The following CELF2 variants were observed in gnomAD, a reference collection of about 807,000 sequenced individuals.
CELF2 encodes CUG triplet repeat RNA-binding protein 2.
A neutral mutation model predicts 62.6 loss-of-function variants in CELF2; 8 were observed. That is an observed-to-expected ratio of 0.13 (90% CI 0.07 to 0.23). The LOEUF (loss-of-function observed/expected upper bound fraction) is 0.23, where lower values mean the gene tolerates loss of function less well. Ranked by LOEUF, CELF2 falls within the 10% of genes least tolerant of loss-of-function variation. The pLI, the probability that CELF2 is intolerant of heterozygous loss-of-function variation, is 1.00. For missense variants in CELF2, 333 were observed against 671.0 expected (o/e 0.50, Z 5.56); for synonymous variants, 258 against 250.0 (o/e 1.03, Z -0.30).
intron 1 of CELF2, among the ~76,000 whole-genome samples, chr10:11,057,170 A>T (rs1340683832): frequency 6.6e-6 from 1 of 152,150 alleles, no homozygotes; most frequent in Non-Finnish European, 1.5e-5. Context: ...CCCTGAAAGA[A>T]CAAAAAGTCC....
rs150054618 is a variant in CELF2 at position 10,990,968 on chromosome 10, C to CGTGTGTGTGT, written c.89+70981_89+70990dup. On this transcript the variant is annotated intron_variant, in intron 2 of 13. Transcript: ENST00000636488. The surrounding 1 kb of genome is among the most constrained non-coding windows in gnomAD (Gnocchi z 4.6). ...ACAGCATCTTTTTGAGGTTCTTTTG[C>CGTGTGTGTGT]GTGTGTGTGTGTGTGTGTGTGCCCA... Among the ~76,000 whole-genome samples the CGTGTGTGTGT allele has an allele frequency of 1.5e-3, 220 of 148,570 alleles. 1 individual carries two copies. The highest frequency in any genetic ancestry group is 5.1e-3 in the African/African-American group (208 of 40,618).
At chr10:11,188,336 C>G (rs2075502302) in intron 2 of CELF2, among the ~76,000 whole-genome samples, 1 of 152,194 alleles carries the variant, frequency 6.6e-6, no homozygotes, top group East Asian at 1.9e-4. Context: ...AACTCCCAAC[C>G]TCAGGTGATC....
chr10:10,564,890 A>G, the CELF2 span, among the ~76,000 whole-genome samples: 8 of 152,316 alleles, frequency 5.3e-5, no homozygotes, highest in South Asian at 1.7e-3. Context: ...CTCCCAGTTA[A>G]TAAGCAACCT....
At chr10:10,813,077 A>G (rs1158333585) in intron 1 of CELF2, among the ~76,000 whole-genome samples, 1 of 152,180 alleles carries the variant, frequency 6.6e-6, no homozygotes, top group Admixed American at 6.5e-5. Flanking sequence ...AGTTTTTCTC[A>G]CAGCACAGCA....
At chr10:11,027,668 C>T in intron 1 of CELF2, among the ~76,000 whole-genome samples, 1 of 152,200 alleles carries the variant, frequency 6.6e-6, no homozygotes, top group East Asian at 1.9e-4. Context: ...AATGGAACCA[C>T]TAGGGACATG....
At position 10,931,263 on chromosome 10, in the gene CELF2, T is replaced by C. The variant is rs1273463404; in HGVS notation, c.89+11264T>C. Among the ~76,000 whole-genome samples, 1 of 152,152 alleles carries C rather than the reference T, an allele frequency of 6.6e-6. No homozygotes were observed. Among genetic ancestry groups the C allele is most frequent in the African/African-American group, 2.4e-5 (1 of 41,410 alleles). ...GCAACATTAGACTCACAAAACACTA[T>C]ATAAAACCAAGCTGAGGCAGTGACA... On this transcript the variant is annotated intron_variant, in intron 2 of 13. Transcript: ENST00000636488. The surrounding 1 kb of genome is among the most constrained non-coding windows in gnomAD (Gnocchi z 6.1).
the CELF2 span, among the ~76,000 whole-genome samples, chr10:10,783,978 C>G: frequency 6.6e-6 from 1 of 151,726 alleles, no homozygotes; most frequent in South Asian, 2.1e-4. Flanking sequence ...CAGAGCAAGA[C>G]TCCTTCCCAA....
At chr10:11,240,031 A>C (rs2073218485) in intron 3 of CELF2, among the ~76,000 whole-genome samples, 1 of 152,222 alleles carries the variant, frequency 6.6e-6, no homozygotes, top group Non-Finnish European at 1.5e-5. Context: ...CAGCCTGGGC[A>C]ACAAGAGCAA....
chr10:10,810,753 A>G (rs564912131), intron 1 of CELF2, among the ~76,000 whole-genome samples: 1 of 152,310 alleles, frequency 6.6e-6, no homozygotes, highest in South Asian at 2.1e-4. Context: ...GTTCCCAATC[A>G]TCGTTCATCA....
chr10:11,280,539 G>A lies in CELF2; in HGVS notation c.841+5419G>A, dbSNP rs758037963. Among the ~76,000 whole-genome samples the A allele has an allele frequency of 8.5e-5, 13 of 152,224 alleles. No homozygotes were observed. Among genetic ancestry groups the A allele is most frequent in the Non-Finnish European group, 1.6e-4 (11 of 68,048 alleles). On this transcript the variant is annotated intron_variant, in intron 8 of 12. Transcript: ENST00000633077. The surrounding 1 kb of genome is among the most constrained non-coding windows in gnomAD (Gnocchi z 7.6). ...AGGAGCCAAGACATCAGCCACCAGG[G>A]ACGTGCATCGTTGCCAGGGAAGGGC...
intron 1 of CELF2, among the ~76,000 whole-genome samples, chr10:10,861,795 T>G (rs2133130377): frequency 6.6e-6 from 1 of 152,350 alleles, no homozygotes; most frequent in South Asian, 2.1e-4. Flanking sequence ...TAAAAATTAT[T>G]CATGTCCTTG....
chr10:10,694,511 G>A, the CELF2 span, among the ~76,000 whole-genome samples: 2 of 152,168 alleles, frequency 1.3e-5, no homozygotes, highest in African/African-American at 2.4e-5. Context: ...GGAGAGTTCT[G>A]TAGATGTCTA....
At chr10:10,730,702 G>A in the CELF2 span, among the ~76,000 whole-genome samples, 7 of 152,242 alleles carry the variant, frequency 4.6e-5, no homozygotes, top group East Asian at 1.4e-3. Context: ...GCATGGGAGG[G>A]GTGTCGTCCT....
At chr10:10,918,880 G>T (rs1298805406) in intron 1 of CELF2, among the ~76,000 whole-genome samples, 1 of 152,112 alleles carries the variant, frequency 6.6e-6, no homozygotes, top group East Asian at 1.9e-4. Flanking sequence ...TTGAAGTTGA[G>T]CCCTCCTCTC....
At chr10:10,790,519 G>A in the CELF2 span, among the ~76,000 whole-genome samples, 33 of 152,188 alleles carry the variant, frequency 2.2e-4, no homozygotes, top group African/African-American at 6.7e-4. Context: ...GAGAACTAAC[G>A]TGGGAATTAT....
At position 11,211,813 on chromosome 10, in the gene CELF2, AGTGT is replaced by A. The variant is rs869213973; in HGVS notation, c.272-5573_272-5570del. On this transcript the variant is annotated intron_variant, in intron 2 of 12. Transcript: ENST00000633077. This position sits in a 1 kb window ranked among gnomAD's most constrained non-coding sequence, Gnocchi z 4.8. Reference sequence around the variant, plus strand: ...GTGTGAGAGAGAGAGAGAGAGAGAGAGTGTGTGTGTGTGTGTGTGTGTGTGTGTG... The same window carrying A: ...GTGTGAGAGAGAGAGAGAGAGAGAGAGTGTGTGTGTGTGTGTGTGTGTGTG... Among the ~76,000 whole-genome samples, 3,778 of 88,924 alleles carry A rather than the reference AGTGT, an allele frequency of 0.042. 60 individuals are homozygous for A. The highest frequency in any genetic ancestry group is 0.084 in the African/African-American group (1,758 of 21,008). 58.3% of individuals were successfully genotyped at this position (88,924 alleles called of 152,430 possible).
At chr10:11,222,480 C>A (rs946138464) in intron 3 of CELF2, among the ~76,000 whole-genome samples, 4 of 152,124 alleles carry the variant, frequency 2.6e-5, no homozygotes, top group African/African-American at 9.7e-5. Flanking sequence ...GGAAAACAAC[C>A]GAAACATCTG....
chr10:10,838,303 A>G (rs1292787201), intron 1 of CELF2, among the ~76,000 whole-genome samples: 1 of 152,198 alleles, frequency 6.6e-6, no homozygotes, highest in African/African-American at 2.4e-5. Flanking sequence ...TGTACATGCT[A>G]TCAACATGGC....
At chr10:10,508,057 T>A in the CELF2 span, among the ~76,000 whole-genome samples, 1 of 151,566 alleles carries the variant, frequency 6.6e-6, no homozygotes, top group Non-Finnish European at 1.5e-5. Flanking sequence ...TTGCAAAAAA[T>A]AAAAACAAAA....
Sources: gnomAD v4.1 joint callset for allele counts (sites outside exome capture counted in the v4.1 genomes callset) on GRCh38, gnomAD v4.1.1 for gene constraint, Gnocchi (gnomAD v3.1) non-coding constraint, MANE v1.5 for transcripts, NCBI Gene and HGNC (gene_info 2026-07-23, HGNC 2026-07-21) for gene names.